Variants in ADGRL3 observed in about 807,000 individuals in gnomAD.
ADGRL3 encodes the protein calcium-independent alpha-latrotoxin receptor 3.
A neutral mutation model predicts 153.5 loss-of-function variants in ADGRL3; 62 were observed. The observed-to-expected ratio is 0.40, with a 90% confidence interval of 0.33 to 0.50. The LOEUF is 0.50. Ranked by LOEUF, ADGRL3 falls within the 20% of genes least tolerant of loss-of-function variation. The pLI is 0.47. For synonymous variants in ADGRL3, 710 were observed against 672.5 expected, an observed-to-expected ratio of 1.06 and a Z score of -0.86; for missense variants, 1,641 against 1,859.4, an observed-to-expected ratio of 0.88 and a Z score of 2.16.
chr4:62,018,611 A>G (rs567509777), intron 21 of ADGRL3, among the ~76,000 whole-genome samples: 191 of 152,206 alleles, frequency 1.3e-3, no homozygotes, highest in African/African-American at 4.5e-3. Flanking sequence ...GAGAGAGAAG[A>G]ACAATATAAC....
intron 10 of ADGRL3, among the ~76,000 whole-genome samples, chr4:61,894,238 T>C (rs1313154513): frequency 1.3e-5 from 2 of 152,146 alleles, no homozygotes; most frequent in Admixed American, 1.3e-4. Context: ...TTGGGTATTA[T>C]TGATTTGGAT....
intron 5 of ADGRL3, among the ~76,000 whole-genome samples, chr4:61,637,869 G>T (rs1252451063): frequency 6.6e-6 from 1 of 152,116 alleles, no homozygotes; most frequent in Non-Finnish European, 1.5e-5. Context: ...ACAAAATACA[G>T]ATTGTCTGAG....
chr4:61,586,727 T>C (rs1470826181), intron 4 of ADGRL3, among the ~76,000 whole-genome samples: 1 of 152,084 alleles, frequency 6.6e-6, no homozygotes, highest in Non-Finnish European at 1.5e-5. Context: ...AAGCATTAGT[T>C]CTACAGTGAA....
intron 21 of ADGRL3, among the ~76,000 whole-genome samples, chr4:62,001,413 A>G (rs1163624217): frequency 6.6e-6 from 1 of 152,202 alleles, no homozygotes; most frequent in African/African-American, 2.4e-5. Context: ...AGTCTCCTCA[A>G]TGAGGTAGGA....
At chr4:61,711,875 G>A (rs1242998701) in intron 6 of ADGRL3, among the ~76,000 whole-genome samples, 2 of 151,844 alleles carry the variant, frequency 1.3e-5, no homozygotes, top group Non-Finnish European at 2.9e-5. Flanking sequence ...AAAACTTTAG[G>A]TCAAGCTTAA....
In ADGRL3 at chr4:61,864,073, A is replaced by G. The variant is rs114447225; in HGVS notation, c.1481-28583A>G. ...CATCAAAATCTTGAAAATAACCCGG[A>G]CATATTTAAGTGGAAGATACTGTAC... On this transcript the variant is annotated intron_variant, in intron 9 of 26. Coordinates refer to ENST00000683033, the MANE Select transcript of ADGRL3 (RefSeq NM_001387552.1). Among the ~76,000 whole-genome samples, 731 of 152,306 alleles carry G rather than the reference A, an allele frequency of 4.8e-3. 2 individuals are homozygous for G. The highest frequency in any genetic ancestry group is 0.016 in the African/African-American group (676 of 41,560).
intron 6 of ADGRL3, among the ~76,000 whole-genome samples, chr4:61,688,480 T>A (rs2095485036): frequency 6.6e-6 from 1 of 152,098 alleles, no homozygotes; most frequent in Admixed American, 6.6e-5. Context: ...GAGATGATAA[T>A]CAATTTACAG....
intron 16 of ADGRL3, 132 bp downstream of exon 16, chr4:61,947,254 G>T (rs1447815314): frequency 1.4e-6 from 1 of 719,980 alleles, no homozygotes; most frequent in Non-Finnish European, 2.2e-6. Context: ...GTACAATGTA[G>T]TGGTAATTTT....
intron 2 of ADGRL3, among the ~76,000 whole-genome samples, chr4:61,450,387 T>C (rs2097659301): frequency 6.6e-6 from 1 of 152,158 alleles, no homozygotes; most frequent in Admixed American, 6.5e-5. Context: ...AATTCTTGGG[T>C]CACTTGTCAT....
chr4:61,398,063 C>T (rs1056605207), intron 2 of ADGRL3, among the ~76,000 whole-genome samples: 4 of 151,670 alleles, frequency 2.6e-5, no homozygotes, highest in Admixed American at 6.6e-5. Context: ...AATAATAAAG[C>T]GATATTGGTT....
At chr4:62,001,818 T>C (rs1194341178) in intron 21 of ADGRL3, among the ~76,000 whole-genome samples, 1 of 152,120 alleles carries the variant, frequency 6.6e-6, no homozygotes, top group African/African-American at 2.4e-5. Context: ...TTTACTTGTA[T>C]TTTTCAAAAA....
intron 14 of ADGRL3, 69 bp downstream of exon 14, chr4:61,935,092 A>G: frequency 2.2e-6 from 3 of 1,336,916 alleles, no homozygotes; most frequent in South Asian, 1.2e-5. Flanking sequence ...AGAAAAAAGT[A>G]TCTCTGGTGT....
chr4:61,785,844 A>G (rs2097270066), intron 8 of ADGRL3, among the ~76,000 whole-genome samples: 1 of 152,132 alleles, frequency 6.6e-6, no homozygotes, highest in Non-Finnish European at 1.5e-5. Context: ...TTCCAGAGTA[A>G]AAACTTTGGT....
intron 1 of ADGRL3, among the ~76,000 whole-genome samples, chr4:61,379,382 A>G (rs1184796222): frequency 2.0e-5 from 3 of 152,078 alleles, no homozygotes; most frequent in Non-Finnish European, 4.4e-5. Context: ...TTTACAAATC[A>G]TAAAATTATA....
intron 8 of ADGRL3, among the ~76,000 whole-genome samples, chr4:61,758,431 G>A (rs1251216035): frequency 6.6e-6 from 1 of 152,140 alleles, no homozygotes; most frequent in Non-Finnish European, 1.5e-5. Context: ...TTACCATTAT[G>A]TAATGTCTTC....
chr4:61,251,884 T>A (rs566280124), intron 1 of ADGRL3, among the ~76,000 whole-genome samples: 2 of 149,408 alleles, frequency 1.3e-5, no homozygotes, highest in Non-Finnish European at 3.0e-5. Flanking sequence ...TTTTTAATTT[T>A]TTTATTTTTT....
chr4:61,707,151 CAT>C (rs1466749028), intron 6 of ADGRL3, among the ~76,000 whole-genome samples: 1 of 152,072 alleles, frequency 6.6e-6, no homozygotes, highest in Non-Finnish European at 1.5e-5. Context: ...TTAAGTTCAC[CAT>C]CTTATATAGG....
At chr4:61,233,765 A>G (rs1025914954) in intron 1 of ADGRL3, among the ~76,000 whole-genome samples, 1 of 152,080 alleles carries the variant, frequency 6.6e-6, no homozygotes, top group African/African-American at 2.4e-5. Context: ...TAAAGCTAGA[A>G]AGGTAGGTAA....
chr4:61,354,551 A>G (rs1343430756), intron 1 of ADGRL3, among the ~76,000 whole-genome samples: 1 of 148,320 alleles, frequency 6.7e-6, no homozygotes, highest in East Asian at 2.0e-4. Flanking sequence ...GTCTTTTATT[A>G]CTCATAGATG....
Sources: gnomAD v4.1 joint callset for allele counts (sites outside exome capture counted in the v4.1 genomes callset) on GRCh38, gnomAD v4.1.1 for gene constraint, MANE v1.5 for transcripts, NCBI Gene and HGNC (gene_info 2026-07-23, HGNC 2026-07-21) for gene names.